The following SMPD4 variants were observed in gnomAD, a reference collection of about 807,000 sequenced individuals.
SMPD4 encodes the protein sphingomyelin phosphodiesterase 4, also known as neutral sphingomyelinase 3.
Under a neutral mutation model 97.8 loss-of-function variants are expected in SMPD4, and 58 were observed. That is an observed-to-expected ratio of 0.59 (90% CI 0.48 to 0.74). The LOEUF is 0.74. Ranked by LOEUF, SMPD4 falls within the 30% of genes least tolerant of loss-of-function variation. The pLI, the probability that SMPD4 is intolerant of heterozygous loss-of-function variation, is 0.00. For missense variants in SMPD4, 853 were observed against 1,080.5 expected, an observed-to-expected ratio of 0.79 and a Z score of 2.95; for synonymous variants, 388 against 450.0, an observed-to-expected ratio of 0.86 and a Z score of 1.74.
At chr2:130,160,124 C>G (rs1687249138) in intron 11 of SMPD4, among the ~76,000 whole-genome samples, 1 of 152,262 alleles carries the variant, frequency 6.6e-6, no homozygotes, top group African/African-American at 2.4e-5. Context: ...GGCTGAGACT[C>G]ACAGCACCTC....
chr2:130,153,368 C>T lies in SMPD4; in HGVS notation c.1976G>A (p.Cys659Tyr), dbSNP rs776847239. 3.7e-6 allele frequency: 6 copies of T among 1,613,756 alleles called. No homozygotes were observed. Among genetic ancestry groups the T allele is most frequent in the Non-Finnish European group, 8.5e-7 (1 of 1,180,030 alleles). ...GATGAGTCCGTCCTCACCCACGATGCAGTCGGGGAGTTGCTTTTTTCCATT... is the reference window on the plus strand; with the variant it reads ...GATGAGTCCGTCCTCACCCACGATGTAGTCGGGGAGTTGCTTTTTTCCATT... Reference protein sequence around the residue: ...DENGKKQLPDCIVGEDGLILT... With the variant: ...DENGKKQLPDYIVGEDGLILT... Residue 659 changes from cysteine to tyrosine, a missense_variant, in exon 18 of 20, where the codon TGC becomes TAC. Cys to Tyr is a radical substitution (Grantham distance 194, BLOSUM62 -2). This residue lies in a region of SMPD4 where 511 missense variants were observed against 608.1 expected (regional missense o/e 0.84). Transcript: ENST00000680298.
upstream of SMPD4, chr2:130,181,735 GC>G (rs1351740151): frequency 6.5e-7 from 1 of 1,548,680 alleles, no homozygotes; most frequent in African/African-American, 1.4e-5. Flanking sequence ...AGGCAGGAGT[GC>G]GGGGGAGGGA....
intron 10 of SMPD4, among the ~76,000 whole-genome samples, chr2:130,162,820 C>T (rs1171070997): frequency 1.3e-5 from 2 of 152,208 alleles, no homozygotes; most frequent in Non-Finnish European, 2.9e-5. Flanking sequence ...TTGTGTTTTG[C>T]CTGAACTGGA....
In SMPD4 at chr2:130,161,290, GAGATGCCGGA is replaced by G; in HGVS notation, c.865-28_865-19del. On this transcript the variant is annotated intron_variant, in intron 10 of 19. Coordinates refer to ENST00000680298, the MANE Select transcript of SMPD4 (RefSeq NM_017951.5). ...ACCTCCAGCTGAGATAAGAAACAGAGAGATGCCGGAAGAGGCCGAAGAGCAGAGGACAAGA... is the reference window on the plus strand; with the variant it reads ...ACCTCCAGCTGAGATAAGAAACAGAGAGAGGCCGAAGAGCAGAGGACAAGA... The G allele has an allele frequency of 6.2e-7, 1 of 1,612,766 alleles. No homozygotes were observed. The highest frequency in any genetic ancestry group is 1.1e-5 in the South Asian group (1 of 91,048).
intron 1 of SMPD4, among the ~76,000 whole-genome samples, chr2:130,178,688 G>C (rs1199134213): frequency 1.3e-5 from 2 of 151,886 alleles, no homozygotes; most frequent in South Asian, 2.1e-4. Context: ...CCAGCAACTC[G>C]GGAGGCTGAG....
At chr2:130,172,283 G>A in intron 8 of SMPD4, 66 bp downstream of exon 8, 2 of 1,458,058 alleles carry the variant, frequency 1.4e-6, no homozygotes, top group Non-Finnish European at 9.1e-7. Flanking sequence ...TTGTCCCCGT[G>A]GGCGATGCAA....
intron 8 of SMPD4, among the ~76,000 whole-genome samples, chr2:130,168,808 G>A (rs554145753): frequency 2.9e-4 from 43 of 148,760 alleles, no homozygotes; most frequent in Non-Finnish European, 4.1e-4. Context: ...TGCTACCTCC[G>A]CCTCCTGGGT....
In SMPD4 at chr2:130,172,544, C is replaced by T. The variant is rs111712786; in HGVS notation, c.508-44G>A. 236 of 1,613,088 alleles carry T rather than the reference C, an allele frequency of 1.5e-4. No individual in the cohort carries two copies. The African/African-American group carries it at 2.9e-3, about 19-fold the overall frequency. ...TGTTAGCATGGGCTCTGGACACTGCCAGGCCACCAAGCACCAACAAGTGCA... is the reference window on the plus strand; with the variant it reads ...TGTTAGCATGGGCTCTGGACACTGCTAGGCCACCAAGCACCAACAAGTGCA... On this transcript the variant is annotated intron_variant, in intron 7 of 19. Transcript: ENST00000680298.
intron 4 of SMPD4, 60 bp from the exon 5 acceptor site, chr2:130,173,414 C>A: frequency 6.2e-7 from 1 of 1,601,054 alleles, no homozygotes; most frequent in Non-Finnish European, 8.5e-7. Flanking sequence ...AATTATCTTG[C>A]TTTGATTGTT....
chr2:130,157,079 C>A (rs538463418), intron 12 of SMPD4, among the ~76,000 whole-genome samples, 172 bp downstream of exon 12: 1 of 152,108 alleles, frequency 6.6e-6, no homozygotes, highest in South Asian at 2.1e-4. Context: ...GCCAACTGGG[C>A]GGGGTGAGAG....
intron 1 of SMPD4, among the ~76,000 whole-genome samples, chr2:130,178,340 C>T (rs772330949): frequency 2.6e-5 from 4 of 152,136 alleles, no homozygotes; most frequent in Non-Finnish European, 5.9e-5. Context: ...TTCACTTACC[C>T]CCACCCAGCT....
intron 2 of SMPD4, among the ~76,000 whole-genome samples, chr2:130,175,699 T>G (rs1336811065): frequency 2.0e-5 from 3 of 152,170 alleles, no homozygotes; most frequent in African/African-American, 7.2e-5. Flanking sequence ...AAAAAGGGCA[T>G]CTGTGCGAAT....
chr2:130,153,984 C>G (rs1686497672), intron 16 of SMPD4, 49 bp from the exon 17 acceptor site: 1 of 1,556,518 alleles, frequency 6.4e-7, no homozygotes, highest in Admixed American at 1.8e-5. Context: ...CCTGTGCTGC[C>G]ACCCAGGCAG....
chr2:130,170,038 A>C lies in SMPD4; in HGVS notation c.659+2311T>G, dbSNP rs377491797. Among the ~76,000 whole-genome samples, 106 of 86,836 alleles carry C rather than the reference A, an allele frequency of 1.2e-3. No individual in the cohort carries two copies. In the East Asian group the frequency reaches 0.11, roughly 89 times the overall value. 57.0% of individuals were successfully genotyped at this position (86,836 alleles called of 152,430 possible). A position where few individuals can be genotyped will look rare whatever the true frequency, so the allele number is the denominator to read the frequency against. ...CAGCGAGGCATCCCCATATCTCCGC[A>C]AAAAAAAAAAAAAAAGTTAAATTAG... On this transcript the variant is annotated intron_variant, in intron 8 of 19. Coordinates refer to ENST00000680298, the MANE Select transcript of SMPD4 (RefSeq NM_017951.5).
Position 130,153,808 on chromosome 2 carries a change from T to C in SMPD4, c.1787A>G (p.Asn596Ser), listed in dbSNP as rs779269393. 123 of 1,613,508 alleles carry C rather than the reference T, an allele frequency of 7.6e-5. No homozygotes were observed. Among genetic ancestry groups the C allele is most frequent in the Admixed American group, 5.0e-4 (30 of 59,966 alleles). ...CAGGTCGTTGGCTGTGTAGGAGCCA[T>C]TGGTGTCCATGGAGCTAAAGCCCAG... Reference protein sequence around the residue: ...SWLGFSSMDTNGSYTANDLDE... With the variant: ...SWLGFSSMDTSGSYTANDLDE... The change falls in exon 17 of 20, where the codon AAT becomes AGT. Residue 596 changes from asparagine to serine, a missense_variant. Around this residue, in one of 3 missense-constraint regions of SMPD4, gnomAD observed 511 missense variants for 608.1 expected, o/e 0.84. Coordinates refer to ENST00000680298, the MANE Select transcript of SMPD4 (RefSeq NM_017951.5).
At chr2:130,161,059 G>T in intron 11 of SMPD4, 127 bp downstream of exon 11, 5 of 875,964 alleles carry the variant, frequency 5.7e-6, no homozygotes, top group Non-Finnish European at 8.9e-6. Flanking sequence ...GCCTCCCCCC[G>T]ACACAGGGGC....
At chr2:130,156,219 G>C in intron 13 of SMPD4, 84 bp from the exon 14 acceptor site, 1 of 1,182,756 alleles carries the variant, frequency 8.5e-7, no homozygotes, top group Non-Finnish European at 1.2e-6. Context: ...GGCGGCAGCT[G>C]GGTGGGACTG....
upstream of SMPD4, chr2:130,181,752 C>A (rs372838290): frequency 1.3e-6 from 2 of 1,548,210 alleles, no homozygotes; most frequent in Admixed American, 2.0e-5. Context: ...AGGGAGTGGT[C>A]CTTAGCTGAA....
At chr2:130,158,297 C>G (rs1198283920) in intron 11 of SMPD4, 1 of 1,255,392 alleles carries the variant, frequency 8.0e-7, no homozygotes, top group Non-Finnish European at 1.0e-6. Context: ...GACAAAAGCA[C>G]AGTCAAGCAT....
Sources: gnomAD v4.1 joint callset for allele counts (sites outside exome capture counted in the v4.1 genomes callset) on GRCh38, gnomAD v4.1.1 for gene constraint, gnomAD v4.1.1 regional missense constraint, MANE v1.5 for transcripts, NCBI Gene and HGNC (gene_info 2026-07-23, HGNC 2026-07-21) for gene names.